The following CLEC7A variants were observed in gnomAD, a reference collection of about 807,000 sequenced individuals.
CLEC7A encodes the protein C-type lectin domain containing 7A, also known as C-type lectin domain family 7 member A.
CLEC7A carries 25 observed loss-of-function variants against 26.9 expected under a neutral mutation model. The observed-to-expected ratio is 0.93, with a 90% CI of 0.68 to 1.30. The LOEUF is 1.30. Among genes scored for constraint, CLEC7A ranks in the 50% most tolerant of loss-of-function variants. The pLI, the probability that CLEC7A is intolerant of heterozygous loss-of-function variation, is 0.00. For synonymous variants in CLEC7A, 100 were observed against 99.5 expected, an observed-to-expected ratio of 1.01 and a Z score of -0.03; for missense variants, 275 against 286.7, an observed-to-expected ratio of 0.96 and a Z score of 0.29.
chr12:10,126,140 C>T, intron 3 of CLEC7A: 1 of 977,902 alleles, frequency 1.0e-6, no homozygotes, highest in Non-Finnish European at 1.2e-6. Flanking sequence ...CTTCCTTATT[C>T]TTGGCAACAT....
intron 5 of CLEC7A, among the ~76,000 whole-genome samples, chr12:10,120,224 C>T (rs1330387824): frequency 6.6e-6 from 1 of 152,056 alleles, no homozygotes; most frequent in African/African-American, 2.4e-5. Flanking sequence ...ATGAATGTAA[C>T]TGGGATTCCA....
chr12:10,125,270 A>T (rs1477811251), intron 4 of CLEC7A, 27 bp downstream of exon 4: 1 of 1,603,200 alleles, frequency 6.2e-7, no homozygotes, highest in Non-Finnish European at 8.5e-7. Flanking sequence ...CACACCACAG[A>T]TAATCATAAC....
Position 10,127,841 on chromosome 12 carries a change from C to G in CLEC7A, c.108G>C (p.Ser36=). 1.3e-6 allele frequency: 2 copies of G among 1,554,458 alleles called. No homozygotes were observed. The highest frequency in any genetic ancestry group is 1.7e-6 in the Non-Finnish European group (2 of 1,147,566). The change falls in exon 2 of 6, where the codon TCG becomes TCC. Residue 36 remains serine, a synonymous_variant. Coordinates refer to ENST00000304084, the MANE Select transcript of CLEC7A (RefSeq NM_197947.3). The part of the protein sequence containing the change: ...TRIAVVSEKG[S]CAASPPWRLI... The stretch of plus-strand genomic sequence containing the variant: ...GGCGCCAAGGAGGAGATGCAGCACA[C>G]GATCCTGAGGAGCCAGAGGGGGCAG...
Position 10,118,583 on chromosome 12 carries a change from T to G in CLEC7A, c.619A>C (p.Ile207Leu), listed in dbSNP as rs999231169. ...TTTTCTTGGGTAGCTGTGGTTCTGA[T>G]CTGAAATCTGTTAAAATAGAATACA... ...GSTFSSNLFQIRTTATQENPS... is the reference protein window; with the variant it reads ...GSTFSSNLFQLRTTATQENPS... Residue 207 changes from isoleucine (I) to leucine (L), a missense_variant, in exon 6 of 6, where the codon ATC becomes CTC. Physicochemically the swap from Ile to Leu is conservative, Grantham distance 5. Transcript: ENST00000304084. 1 of 1,612,762 alleles carries G rather than the reference T, an allele frequency of 6.2e-7. No individual in the cohort carries two copies. The highest frequency in any genetic ancestry group is 8.5e-7 in the Non-Finnish European group (1 of 1,179,216).
rs1948157750 is a variant in CLEC7A at position 10,123,332 on chromosome 12, G to A, written c.524C>T (p.Pro175Leu). 3.1e-6 allele frequency: 5 copies of A among 1,610,858 alleles called. No individual in the cohort carries two copies. The African/African-American group carries it at 5.3e-5, about 17-fold the overall frequency. Reference sequence around the variant, plus strand: ...AAGGCCTATCCAAAATGAATTATCAGGTTGGGAAGACACTTGTTTTACTAT... The same window carrying A: ...AAGGCCTATCCAAAATGAATTATCAAGTTGGGAAGACACTTGTTTTACTAT... ...GFIVKQVSSQ[P>L]DNSFWIGLSR... The change falls in exon 5 of 6, where the codon CCT (proline) becomes CTT (leucine). Residue 175 changes from proline (P) to leucine (L), a missense_variant. Transcript: ENST00000304084.
intron 2 of CLEC7A, 131 bp downstream of exon 2, chr12:10,127,616 C>T: frequency 2.2e-6 from 2 of 927,204 alleles, no homozygotes; most frequent in East Asian, 2.6e-5. Context: ...CAGCACCAAC[C>T]CAATACAGAT....
intron 4 of CLEC7A, 61 bp from the exon 5 acceptor site, chr12:10,123,424 T>G: frequency 5.0e-6 from 5 of 999,430 alleles, no homozygotes; most frequent in Non-Finnish European, 6.2e-6. Flanking sequence ...AAGAAACTAT[T>G]ATCATGGACG....
rs1948292528 is a variant in CLEC7A, at chr12:10,126,602, A to C, written c.309T>G (p.Ser103Arg). 1.9e-6 allele frequency: 3 copies of C among 1,610,430 alleles called. No individual in the cohort carries two copies. Among genetic ancestry groups the C allele is most frequent in the African/African-American group, 1.3e-5 (1 of 74,612 alleles). Residue 103 changes from serine (S) to arginine (R), a missense_variant, in exon 3 of 6, where the codon AGT becomes AGG. Physicochemically the swap from Ser to Arg is moderately radical, Grantham distance 110. Coordinates refer to ENST00000304084, the MANE Select transcript of CLEC7A (RefSeq NM_197947.3). ...TTTTGACAGCTTTGGTAGGAGTCAC[A>C]CTGTCTTCTAAAGATGATTGTGTGG... is the stretch of plus-strand genomic sequence containing the variant. Reference protein sequence around the residue: ...SQPTQSSLEDSVTPTKAVKTT... With the variant: ...SQPTQSSLEDRVTPTKAVKTT...
At chr12:10,129,924 T>TA (rs1229310968) in intron 1 of CLEC7A, 56 bp downstream of exon 1, 1 of 1,056,412 alleles carries the variant, frequency 9.5e-7, no homozygotes, top group Non-Finnish European at 1.5e-6. Flanking sequence ...AGCCTCCCCT[T>TA]ATATCTTTTC....
At chr12:10,118,976 A>G (rs1348400275) in intron 5 of CLEC7A, among the ~76,000 whole-genome samples, 3 of 152,196 alleles carry the variant, frequency 2.0e-5, no homozygotes, top group East Asian at 3.9e-4. Flanking sequence ...CTTAATGAGT[A>G]GACCAAGCAG....
Position 10,130,055 on chromosome 12 carries a change from A to G in CLEC7A, c.28T>C (p.Leu10=), listed in dbSNP as rs368303290. The part of the protein sequence containing the change: MEYHPDLEN[L]DEDGYTQLHF... ...AATTGAGTATATCCATCTTCATCCA[A>G]ATTTTCTAAATCAGGATGATATTCC... The change falls in exon 1 of 6, where the codon TTG becomes CTG. Residue 10 remains leucine (L), a synonymous_variant. Transcript: ENST00000304084. 1.2e-5 allele frequency: 20 copies of G among 1,601,474 alleles called. No homozygotes were observed. In the African/African-American group the frequency reaches 2.7e-4, roughly 21 times the overall value.
chr12:10,126,905 G>T, intron 2 of CLEC7A, 197 bp from the exon 3 acceptor site: 1 of 652,434 alleles, frequency 1.5e-6, no homozygotes, highest in Non-Finnish European at 2.3e-6. Flanking sequence ...TTTTATAAAG[G>T]AGGTATAGTA....
At chr12:10,127,553 G>A in intron 2 of CLEC7A, 194 bp downstream of exon 2, 1 of 1,160,032 alleles carries the variant, frequency 8.6e-7, no homozygotes, top group Non-Finnish European at 1.3e-6. Flanking sequence ...ACCCTGGAAA[G>A]GTAAAATAAC....
At chr12:10,129,190 G>C (rs1339820866) in intron 1 of CLEC7A, among the ~76,000 whole-genome samples, 9 of 151,852 alleles carry the variant, frequency 5.9e-5, no homozygotes, top group Non-Finnish European at 2.9e-5. Flanking sequence ...TCCATCACTG[G>C]TATACCAATA....
At chr12:10,127,470 T>C in intron 2 of CLEC7A, 1 of 1,609,766 alleles carries the variant, frequency 6.2e-7, no homozygotes, top group Non-Finnish European at 8.5e-7. Context: ...GAGAGCAATG[T>C]AGTTAAGAGT....
At chr12:10,126,914 TAAAAAA>T (rs5796381) in intron 2 of CLEC7A, 1 of 492,168 alleles carries the variant, frequency 2.0e-6, no homozygotes, top group Admixed American at 4.5e-5. Flanking sequence ...GGAGGTATAG[TAAAAAA>T]AAAAAAAGAA....
Position 10,118,436 on chromosome 12 carries a change from C to T in CLEC7A, c.*22G>A, listed in dbSNP as rs769346152. The T allele has an allele frequency of 6.3e-7, 1 of 1,595,948 alleles. No homozygotes were observed. Among genetic ancestry groups the T allele is most frequent in the South Asian group, 1.1e-5 (1 of 90,506 alleles). On this transcript the variant is annotated 3_prime_UTR_variant, in exon 6 of 6. Coordinates refer to ENST00000304084, the MANE Select transcript of CLEC7A (RefSeq NM_197947.3). Reference sequence around the variant, plus strand: ...CCTCCTTACTACCTCACATATTTCTCTCTCCTTCTCCACCCTTCCTCTTAC... The same window carrying T: ...CCTCCTTACTACCTCACATATTTCTTTCTCCTTCTCCACCCTTCCTCTTAC...
Position 10,126,992 on chromosome 12 carries a change from T to TA in CLEC7A, c.203-285dup, listed in dbSNP as rs1246787688. 27 of 1,336,862 alleles carry TA rather than the reference T, an allele frequency of 2.0e-5. No individual in the cohort carries two copies. In the East Asian group the frequency reaches 9.1e-4, roughly 45 times the overall value. The allele number at this position is 1,336,862 out of a possible 1,614,324, so 82.8% of individuals were successfully genotyped here. A position where few individuals can be genotyped will look rare whatever the true frequency, so the allele number is the denominator to read the frequency against. On this transcript the variant is annotated intron_variant, in intron 2 of 5. Coordinates refer to ENST00000304084, the MANE Select transcript of CLEC7A (RefSeq NM_197947.3). ...GGGAGGCAGCAAGAGGCAAATGTCA[T>TA]AGAGTCAATTGGACCCATGACAGAT...
At chr12:10,120,211 G>A (rs530398910) in intron 5 of CLEC7A, among the ~76,000 whole-genome samples, 4 of 152,318 alleles carry the variant, frequency 2.6e-5, no homozygotes, top group African/African-American at 9.6e-5. Context: ...CAATGGGTCT[G>A]TAATGAATGT....
Sources: allele counts gnomAD v4.1 joint callset (sites outside exome capture counted in the v4.1 genomes callset), GRCh38; gene constraint gnomAD v4.1.1; transcripts MANE v1.5; gene names NCBI Gene and HGNC (gene_info 2026-07-23, HGNC 2026-07-21).